TENM2: variants seen among roughly 807,000 people sequenced by gnomAD.
TENM2 encodes teneurin transmembrane protein 2, also known as teneurin-2.
A neutral mutation model predicts 245.2 loss-of-function variants in TENM2; 52 were observed. That is an observed-to-expected ratio of 0.21 (90% CI 0.17 to 0.27). The LOEUF is 0.27. TENM2 is among the 10% of genes least tolerant of loss of function. The pLI, the probability that TENM2 is intolerant of heterozygous loss-of-function variation, is 1.00. For synonymous variants in TENM2, 1,363 were observed against 1,438.9 expected (o/e 0.95, Z 1.19); for missense variants, 3,046 against 3,666.8 (o/e 0.83, Z 4.37).
chr5:167,952,160 T>C (rs535185015), intron 3 of TENM2, among the ~76,000 whole-genome samples: 1 of 152,158 alleles, frequency 6.6e-6, no homozygotes, highest in African/African-American at 2.4e-5. Flanking sequence ...TGACTTAGAG[T>C]GTTCCATATT....
intron 1 of TENM2, chr5:167,296,120 G>T (rs1170565438): frequency 6.6e-6 from 1 of 152,190 alleles, no homozygotes; most frequent in East Asian, 1.9e-4. Flanking sequence ...AGAAAAGTCA[G>T]ATGGGCTCTG....
Position 167,496,995 on chromosome 5 carries a change from T to G in TENM2, c.502+121522T>G, listed in dbSNP as rs562176238. Among the ~76,000 whole-genome samples, 262 of 152,212 alleles carry G rather than the reference T, an allele frequency of 1.7e-3. 1 individual carries two copies. The highest frequency in any genetic ancestry group is 5.9e-3 in the African/African-American group (247 of 41,552). On this transcript the variant is annotated intron_variant, in intron 2 of 28. Transcript: ENST00000518659. ...ATTAGAATCACTAGACATTTTCATTTTAATCATTCTAGGTGGTCGCATATC... is the reference window on the plus strand; with the variant it reads ...ATTAGAATCACTAGACATTTTCATTGTAATCATTCTAGGTGGTCGCATATC...
intron 12 of TENM2, among the ~76,000 whole-genome samples, chr5:168,134,368 A>G (rs940018912): frequency 6.6e-6 from 1 of 152,080 alleles, no homozygotes; most frequent in African/African-American, 2.4e-5. Flanking sequence ...TGTTATCATC[A>G]TCACCATCAT....
the TENM2 span, among the ~76,000 whole-genome samples, chr5:167,042,709 A>G: frequency 6.6e-6 from 1 of 152,248 alleles, no homozygotes; most frequent in South Asian, 2.1e-4. Flanking sequence ...AGATTCAGTT[A>G]TAGAAATACT....
intron 17 of TENM2, among the ~76,000 whole-genome samples, chr5:168,202,037 C>T (rs1222235356): frequency 1.3e-5 from 2 of 152,148 alleles, no homozygotes; most frequent in Non-Finnish European, 2.9e-5. Flanking sequence ...TGTGTCCTTC[C>T]ATCAAGAGGC....
At chr5:167,946,270 A>G (rs10038819) in intron 3 of TENM2, among the ~76,000 whole-genome samples, 31,128 of 152,050 alleles carry the variant, frequency 0.2, 3,549 homozygotes, top group East Asian at 0.37. Flanking sequence ...AGAGCAGGAC[A>G]GGACAAGCTG....
At chr5:167,367,368 TC>T in intron 1 of TENM2, among the ~76,000 whole-genome samples, 1 of 152,284 alleles carries the variant, frequency 6.6e-6, no homozygotes, top group East Asian at 1.9e-4. Flanking sequence ...AAAGCACACT[TC>T]TGAAATATAA....
At chr5:167,466,838 G>A (rs1190883149) in intron 2 of TENM2, among the ~76,000 whole-genome samples, 1 of 152,074 alleles carries the variant, frequency 6.6e-6, no homozygotes, top group African/African-American at 2.4e-5. Flanking sequence ...ACGTAAGCAA[G>A]GTCTCCCCAC....
the TENM2 span, among the ~76,000 whole-genome samples, chr5:166,990,858 A>G: frequency 1.3e-5 from 2 of 152,192 alleles, no homozygotes; most frequent in Admixed American, 1.3e-4. Context: ...ACGCTATTAG[A>G]CTGTTGAAGA....
intron 9 of TENM2, among the ~76,000 whole-genome samples, chr5:168,098,423 A>C (rs773894193): frequency 3.3e-5 from 5 of 152,220 alleles, no homozygotes; most frequent in Non-Finnish European, 5.9e-5. Flanking sequence ...GTGAATTACC[A>C]TCACTCCTTT....
chr5:167,395,840 C>A (rs185903750), intron 2 of TENM2, among the ~76,000 whole-genome samples: 250 of 152,028 alleles, frequency 1.6e-3, no homozygotes, highest in Non-Finnish European at 2.7e-3. Context: ...TGAGGACTTG[C>A]TATATATGAA....
At chr5:167,005,655 G>GTTTTTTTT in the TENM2 span, among the ~76,000 whole-genome samples, 4 of 52,976 alleles carry the variant, frequency 7.6e-5, no homozygotes, top group African/African-American at 1.7e-4. Flanking sequence ...CTGTGTGTGG[G>GTTTTTTTT]TTTTTTTTTT....
chr5:167,525,974 A>G (rs1771081548), intron 2 of TENM2, among the ~76,000 whole-genome samples: 1 of 152,064 alleles, frequency 6.6e-6, no homozygotes, highest in Non-Finnish European at 1.5e-5. Flanking sequence ...CCCAATTACC[A>G]GGACATAAAT....
intron 2 of TENM2, among the ~76,000 whole-genome samples, chr5:167,398,315 T>C (rs1411666431): frequency 6.6e-6 from 1 of 152,056 alleles, no homozygotes; most frequent in African/African-American, 2.4e-5. Flanking sequence ...TGGATAATAA[T>C]TGTCCCCTTC....
intron 27 of TENM2, among the ~76,000 whole-genome samples, chr5:168,254,736 G>A (rs564493946): frequency 4.6e-4 from 70 of 152,234 alleles, no homozygotes; most frequent in South Asian, 1.9e-3. Flanking sequence ...ATCCCAATGA[G>A]GAGAGTCTTC....
chr5:167,548,256 T>G (rs1772694160), intron 2 of TENM2, among the ~76,000 whole-genome samples: 1 of 152,208 alleles, frequency 6.6e-6, no homozygotes, highest in Non-Finnish European at 1.5e-5. Context: ...TCTTTTGTGT[T>G]GACAGACTTT....
In TENM2 at chr5:168,125,859, A is replaced by G. The variant is rs112999090; in HGVS notation, c.2209+809A>G. 7.4e-3 allele frequency among the ~76,000 whole-genome samples: 1,130 copies of G among 152,260 alleles called. 18 individuals are homozygous for G. The highest frequency in any genetic ancestry group is 0.026 in the African/African-American group (1,066 of 41,542). Reference sequence around the variant, plus strand: ...TGGTGGTCCTGGCAAGGCCGTGCAGATGATGGGAGGAGGCAGGGGTCCTAG... The same window carrying G: ...TGGTGGTCCTGGCAAGGCCGTGCAGGTGATGGGAGGAGGCAGGGGTCCTAG... On this transcript the variant is annotated intron_variant, in intron 11 of 28. Transcript: ENST00000518659.
chr5:167,859,946 C>T (rs1259343018), intron 2 of TENM2, among the ~76,000 whole-genome samples: 1 of 30,452 alleles, frequency 3.3e-5, no homozygotes. Flanking sequence ...TCGCCCCGTC[C>T]GGGAGGGAGG....
rs544121992 is a variant in TENM2 at position 168,058,545 on chromosome 5, A to C, written c.1310-3515A>C. ...AGTGGTTGGGGTGGTATTGTAAAGG[A>C]AAGTAGAACTTTAGTGTGAAGGTGC... On this transcript the variant is annotated intron_variant, in intron 6 of 28. Coordinates refer to ENST00000518659, the Ensembl canonical transcript of TENM2. 2.0e-5 allele frequency among the ~76,000 whole-genome samples: 3 copies of C among 152,308 alleles called. No homozygotes were observed. The South Asian group carries it at 6.2e-4, about 32-fold the overall frequency.
Sources: allele counts gnomAD v4.1 joint callset (sites outside exome capture counted in the v4.1 genomes callset), GRCh38; gene constraint gnomAD v4.1.1; transcripts MANE v1.5; gene names NCBI Gene and HGNC (gene_info 2026-07-23, HGNC 2026-07-21).